The following WWOX variants were observed in gnomAD, a reference collection of about 807,000 sequenced individuals.
The protein encoded by WWOX is WW domain containing oxidoreductase, also known as WW domain-containing oxidoreductase.
In WWOX, 69 loss-of-function variants were observed where a neutral mutation model predicts 46.2. That is an observed-to-expected ratio of 1.49 (90% CI 1.23 to 1.82). WWOX has a LOEUF of 1.82. Among genes scored for constraint, WWOX ranks in the 40% most tolerant of loss-of-function variants. The probability of loss-of-function intolerance (pLI) is 0.00; values close to 1 mark genes in which losing one functional copy is unlikely to be tolerated. For synonymous variants in WWOX, 359 were observed against 202.6 expected, an observed-to-expected ratio of 1.77 and a Z score of -6.56; for missense variants, 919 against 542.6, an observed-to-expected ratio of 1.69 and a Z score of -6.89.
At chr16:78,468,192 C>T (rs965065901) in intron 8 of WWOX, among the ~76,000 whole-genome samples, 1 of 151,776 alleles carries the variant, frequency 6.6e-6, no homozygotes, top group East Asian at 1.9e-4. Flanking sequence ...TCTACCAGTT[C>T]TCTGCTCAGC....
intron 5 of WWOX, among the ~76,000 whole-genome samples, chr16:78,249,702 T>C (rs2151827302): frequency 6.6e-6 from 1 of 152,314 alleles, no homozygotes; most frequent in African/African-American, 2.4e-5. Flanking sequence ...AATGATCATT[T>C]CAACAACATT....
chr16:78,839,570 T>C (rs868165660), intron 8 of WWOX, among the ~76,000 whole-genome samples: 3 of 152,238 alleles, frequency 2.0e-5, no homozygotes, highest in South Asian at 2.1e-4. Context: ...ATATTACTTA[T>C]GTCTATGAAA....
chr16:78,875,515 A>T (rs561434541), intron 8 of WWOX, among the ~76,000 whole-genome samples: 1 of 152,154 alleles, frequency 6.6e-6, no homozygotes, highest in Non-Finnish European at 1.5e-5. Context: ...TTTGATTGCT[A>T]TTTAATCTGT....
chr16:78,529,459 A>T (rs1387799649), intron 8 of WWOX, among the ~76,000 whole-genome samples: 1 of 151,002 alleles, frequency 6.6e-6, no homozygotes, highest in African/African-American at 2.4e-5. Flanking sequence ...CTCTTCTCAG[A>T]ATGTTTTTCG....
intron 8 of WWOX, among the ~76,000 whole-genome samples, chr16:78,937,448 C>CTTTTTTTTTTTTTTTTT (rs537642648): frequency 1.2e-5 from 1 of 81,988 alleles, no homozygotes; most frequent in African/African-American, 5.2e-5. Context: ...TTTGTATTAA[C>CTTTTTTTTTTTTTTTTT]TTTTTTTTTT....
chr16:78,452,867 T>TTATA (rs142437197), intron 8 of WWOX, among the ~76,000 whole-genome samples: 1 of 127,638 alleles, frequency 7.8e-6, no homozygotes, highest in Non-Finnish European at 1.6e-5. Context: ...AGTGAGCTAT[T>TTATA]TATATATATA....
At chr16:78,833,453 C>T (rs1195382555) in intron 8 of WWOX, among the ~76,000 whole-genome samples, 3 of 151,476 alleles carry the variant, frequency 2.0e-5, no homozygotes, top group Non-Finnish European at 2.9e-5. Context: ...CCTCCTCCTG[C>T]TTTCTATTCT....
chr16:78,835,261 G>A (rs888860325), intron 8 of WWOX, among the ~76,000 whole-genome samples: 22 of 152,162 alleles, frequency 1.4e-4, no homozygotes, highest in Middle Eastern at 3.4e-3. Flanking sequence ...TTCACCTTCC[G>A]AGATTATTTA....
chr16:78,411,335 C>T (rs970133740), intron 6 of WWOX, among the ~76,000 whole-genome samples: 1 of 151,984 alleles, frequency 6.6e-6, no homozygotes, highest in Non-Finnish European at 1.5e-5. Flanking sequence ...TTATATATTG[C>T]TAATGGATTT....
intron 8 of WWOX, among the ~76,000 whole-genome samples, chr16:79,157,373 T>A (rs1194178780): frequency 1.3e-5 from 2 of 151,504 alleles, no homozygotes; most frequent in Admixed American, 6.6e-5. Context: ...CAGTGAGCCT[T>A]GGTCAAGTCT....
At chr16:79,075,214 T>C (rs1206591573) in intron 8 of WWOX, among the ~76,000 whole-genome samples, 1 of 152,240 alleles carries the variant, frequency 6.6e-6, no homozygotes, top group Non-Finnish European at 1.5e-5. Flanking sequence ...CAGGTGGTTC[T>C]GCTCAGCCCT....
chr16:78,989,097 T>A (rs1234441795), intron 8 of WWOX, among the ~76,000 whole-genome samples: 1 of 152,124 alleles, frequency 6.6e-6, no homozygotes, highest in East Asian at 1.9e-4. Context: ...TGATCCCTTT[T>A]TGGAGTCCTT....
At chr16:78,543,153 A>G (rs1025897842) in intron 8 of WWOX, among the ~76,000 whole-genome samples, 2 of 152,214 alleles carry the variant, frequency 1.3e-5, no homozygotes, top group Admixed American at 1.3e-4. Context: ...ACCCGGACTT[A>G]TAGAGTCTGT....
intron 5 of WWOX, among the ~76,000 whole-genome samples, chr16:78,336,648 AGTT>A (rs1377061858): frequency 1.3e-5 from 2 of 152,068 alleles, no homozygotes; most frequent in Non-Finnish European, 2.9e-5. Context: ...AGGACTTCTT[AGTT>A]CCAGCTGCCT....
intron 8 of WWOX, among the ~76,000 whole-genome samples, chr16:78,648,618 A>G (rs2046898045): frequency 1.3e-5 from 2 of 152,158 alleles, no homozygotes; most frequent in Admixed American, 1.3e-4. Context: ...GACCAACCAG[A>G]GAAAGCCACA....
At chr16:78,803,816 G>A (rs1206437890) in intron 8 of WWOX, among the ~76,000 whole-genome samples, 1 of 152,040 alleles carries the variant, frequency 6.6e-6, no homozygotes, top group African/African-American at 2.4e-5. Context: ...GCATGATGGA[G>A]GAATTTTAAA....
At chr16:78,737,008 G>C (rs1180470900) in intron 8 of WWOX, among the ~76,000 whole-genome samples, 1 of 152,150 alleles carries the variant, frequency 6.6e-6, no homozygotes, top group African/African-American at 2.4e-5. Context: ...TTTGCAGAGT[G>C]ATGAGTGGGG....
At chr16:78,442,622 C>A (rs2083469377) in intron 8 of WWOX, among the ~76,000 whole-genome samples, 1 of 152,102 alleles carries the variant, frequency 6.6e-6, no homozygotes, top group Non-Finnish European at 1.5e-5. Context: ...GATACCCATT[C>A]TCGTAATGAT....
intron 5 of WWOX, among the ~76,000 whole-genome samples, chr16:78,368,459 A>G (rs2081591122): frequency 1.3e-5 from 2 of 152,160 alleles, no homozygotes; most frequent in South Asian, 4.1e-4. Flanking sequence ...CAAATGTAGT[A>G]AGGCCTCTTT....
Sources: allele counts gnomAD v4.1 joint callset (sites outside exome capture counted in the v4.1 genomes callset), GRCh38; gene constraint gnomAD v4.1.1; transcripts MANE v1.5; gene names NCBI Gene and HGNC (gene_info 2026-07-23, HGNC 2026-07-21).